The following ATP9B variants were observed in gnomAD, a reference collection of about 807,000 sequenced individuals.
ATP9B encodes probable phospholipid-transporting ATPase IIB.
A neutral mutation model predicts 146.1 loss-of-function variants in ATP9B; 110 were observed. The observed-to-expected ratio is 0.75, with a 90% CI of 0.65 to 0.88. The LOEUF (loss-of-function observed/expected upper bound fraction) is 0.88, where lower values mean the gene tolerates loss of function less well. Ranked by LOEUF, ATP9B falls within the 40% of genes least tolerant of loss-of-function variation. ATP9B has a pLI of 0.00. For missense variants in ATP9B, 1,499 were observed against 1,496.4 expected, an observed-to-expected ratio of 1.00 and a Z score of -0.03; for synonymous variants, 604 against 569.7, an observed-to-expected ratio of 1.06 and a Z score of -0.86.
intron 4 of ATP9B, among the ~76,000 whole-genome samples, chr18:79,118,555 C>T (rs2147096411): frequency 6.6e-6 from 1 of 151,870 alleles, no homozygotes; most frequent in Non-Finnish European, 1.5e-5. Context: ...TACCTGCCAC[C>T]ATGCCCTGCT....
At chr18:79,166,825 G>T (rs1370609056) in intron 7 of ATP9B, among the ~76,000 whole-genome samples, 1 of 152,130 alleles carries the variant, frequency 6.6e-6, no homozygotes, top group African/African-American at 2.4e-5. Context: ...GGCCCAGCAG[G>T]CTTTGCTTAG....
rs114702871 is a variant in ATP9B, at chr18:79,317,582, T to C, written c.1773+10348T>C. Among the ~76,000 whole-genome samples the C allele has an allele frequency of 6.5e-3, 991 of 152,254 alleles. 5 individuals carry two copies. Among genetic ancestry groups the C allele is most frequent in the African/African-American group, 0.022 (928 of 41,546 alleles). ...GTGGGGTCTAATACAGAAAAAATATTAAGATACATGATGATAATAGCCAAA... is the reference window on the plus strand; with the variant it reads ...GTGGGGTCTAATACAGAAAAAATATCAAGATACATGATGATAATAGCCAAA... On this transcript the variant is annotated intron_variant, in intron 15 of 29. Coordinates refer to ENST00000426216, the MANE Select transcript of ATP9B (RefSeq NM_198531.5).
Position 79,096,546 on chromosome 18 carries a change from AATGAGGAAAGTGATTACCACACCTTACC to A in ATP9B, c.192_219del (p.Glu66ProfsTer3). 1 of 1,614,028 alleles carries A rather than the reference AATGAGGAAAGTGATTACCACACCTTACC, an allele frequency of 6.2e-7. No homozygotes were observed. Among genetic ancestry groups the A allele is most frequent in the Non-Finnish European group, 8.5e-7 (1 of 1,179,912 alleles). On this transcript the variant is annotated frameshift_variant, in exon 2 of 30. Transcript: ENST00000426216. LOFTEE classifies it high-confidence loss of function. ...AATGATGTCTGAAGAAGGCTTTGAG[AATGAGGAAAGTGATTACCACACCTTACC>A]ACGAGCCAGGATAATGCAAAGGAAA...
chr18:79,083,839 G>C (rs903983646), intron 1 of ATP9B, among the ~76,000 whole-genome samples: 2 of 151,828 alleles, frequency 1.3e-5, no homozygotes, highest in Non-Finnish European at 2.9e-5. Context: ...CTGCAGACCA[G>C]AGCTGTTCCT....
At chr18:79,333,418 C>G (rs763895804) in intron 17 of ATP9B, among the ~76,000 whole-genome samples, 23 of 152,360 alleles carry the variant, frequency 1.5e-4, no homozygotes, top group African/African-American at 3.1e-4. Context: ...TTGCACAAAC[C>G]AGGTTTACTA....
Position 79,286,704 on chromosome 18 carries a change from A to C in ATP9B, c.1411+9508A>C, listed in dbSNP as rs1222381902. 2.0e-5 allele frequency among the ~76,000 whole-genome samples: 3 copies of C among 152,200 alleles called. No homozygotes were observed. The East Asian group carries it at 5.8e-4, about 29-fold the overall frequency. On this transcript the variant is annotated intron_variant, in intron 13 of 29. Transcript: ENST00000426216. ...GCATCCCTGTCTTGTGCCAGTTTTCAAAGGGAATGCTTCCAGTTTTGGCCC... is the reference window on the plus strand; with the variant it reads ...GCATCCCTGTCTTGTGCCAGTTTTCCAAGGGAATGCTTCCAGTTTTGGCCC...
rs544661546 is a variant in ATP9B at position 79,263,570 on chromosome 18, T to A, written c.1268+10029T>A. Among the ~76,000 whole-genome samples, 482 of 152,364 alleles carry A rather than the reference T, an allele frequency of 3.2e-3. 2 individuals are homozygous for A. Among genetic ancestry groups the A allele is most frequent in the African/African-American group, 0.011 (469 of 41,588 alleles). ...TCATACTGGATGTTTTCTTTTTGTC[T>A]TATTCCTTTTGTTTTACATGGCTGT... On this transcript the variant is annotated intron_variant, in intron 12 of 29. Coordinates refer to ENST00000426216, the MANE Select transcript of ATP9B (RefSeq NM_198531.5).
At chr18:79,228,206 G>A (rs746105418) in intron 11 of ATP9B, among the ~76,000 whole-genome samples, 1 of 152,160 alleles carries the variant, frequency 6.6e-6, no homozygotes, top group African/African-American at 2.4e-5. Context: ...TTCTCCACTA[G>A]TGATAAATTT....
rs780686047 is a variant in ATP9B, at chr18:79,207,032, CTGAG to C, written c.1030+23_1030+26del. The C allele has an allele frequency of 1.7e-5, 28 of 1,607,296 alleles. No individual in the cohort carries two copies. In the South Asian group the frequency reaches 3.0e-4, roughly 17 times the overall value. On this transcript the variant is annotated intron_variant, in intron 10 of 29. Transcript: ENST00000426216. ...CATCAGGTAAGGAAAACATTCTCCT[CTGAG>C]TGTGATTGCTCCCGGATAGATGATG...
At chr18:79,277,645 A>G (rs2096327453) in intron 13 of ATP9B, among the ~76,000 whole-genome samples, 2 of 152,168 alleles carry the variant, frequency 1.3e-5, no homozygotes, top group African/African-American at 4.8e-5. Flanking sequence ...ACTACAGACT[A>G]TTTATCCCAC....
intron 1 of ATP9B, among the ~76,000 whole-genome samples, chr18:79,077,759 T>G (rs2072785440): frequency 1.3e-5 from 2 of 152,184 alleles, no homozygotes; most frequent in South Asian, 2.1e-4. Flanking sequence ...TGAGCCAGCA[T>G]AAGAGAGTCC....
chr18:79,132,203 A>T (rs1295154872), intron 5 of ATP9B, among the ~76,000 whole-genome samples: 1 of 152,250 alleles, frequency 6.6e-6, no homozygotes, highest in Non-Finnish European at 1.5e-5. Context: ...CAGGTACTTT[A>T]AAAATAATTT....
chr18:79,296,804 C>T (rs1227367238), intron 13 of ATP9B, among the ~76,000 whole-genome samples: 3 of 152,176 alleles, frequency 2.0e-5, no homozygotes, highest in Non-Finnish European at 4.4e-5. Flanking sequence ...TGGGATAATA[C>T]AGACACTGCC....
intron 17 of ATP9B, 33 bp from the exon 18 acceptor site, chr18:79,336,595 G>T: frequency 8.1e-6 from 13 of 1,602,892 alleles, no homozygotes; most frequent in Non-Finnish European, 1.1e-5. Flanking sequence ...GGCTCTGCAG[G>T]GCCCACCTGT....
intron 15 of ATP9B, among the ~76,000 whole-genome samples, chr18:79,315,577 G>C (rs1296418444): frequency 6.6e-6 from 1 of 152,202 alleles, no homozygotes; most frequent in Non-Finnish European, 1.5e-5. Context: ...GCGGGTAGCT[G>C]CCTGTGTGAA....
chr18:79,353,022 A>C (rs1291930145), intron 25 of ATP9B: 1 of 152,262 alleles, frequency 6.6e-6, no homozygotes, highest in East Asian at 1.9e-4. Context: ...GTCAGTAAGC[A>C]CAAGAAAATG....
At chr18:79,307,399 A>G (rs1210242448) in intron 15 of ATP9B, 165 bp downstream of exon 15, 3 of 1,039,670 alleles carry the variant, frequency 2.9e-6, no homozygotes, top group Non-Finnish European at 4.1e-6. Flanking sequence ...TCCAGCATGT[A>G]GCCTCTGACG....
intron 2 of ATP9B, among the ~76,000 whole-genome samples, chr18:79,103,358 A>G (rs2075425656): frequency 6.6e-6 from 1 of 151,610 alleles, no homozygotes; most frequent in Admixed American, 6.6e-5. Flanking sequence ...TAGTTTTGTC[A>G]GACCCAGAAA....
chr18:79,377,192 A>C (rs1382743394), intron 29 of ATP9B, 55 bp from the exon 30 acceptor site: 1 of 1,600,484 alleles, frequency 6.2e-7, no homozygotes, highest in African/African-American at 1.3e-5. Context: ...TGTGGCCATG[A>C]GGGCCCAGGA....
Sources: allele counts gnomAD v4.1 joint callset (sites outside exome capture counted in the v4.1 genomes callset), GRCh38; gene constraint gnomAD v4.1.1; transcripts MANE v1.5; gene names NCBI Gene and HGNC (gene_info 2026-07-23, HGNC 2026-07-21).